HSPA4: variants seen among roughly 807,000 people sequenced by gnomAD.
HSPA4 encodes the protein heat shock 70 kDa protein 4.
A neutral mutation model predicts 106.2 loss-of-function variants in HSPA4; 25 were observed. The observed-to-expected ratio is 0.24, with a 90% confidence interval of 0.17 to 0.33. The LOEUF is 0.33. Among genes scored for constraint, HSPA4 ranks in the 10% least tolerant of loss-of-function variants. The pLI, the probability that HSPA4 is intolerant of heterozygous loss-of-function variation, is 1.00. For synonymous variants in HSPA4, 332 were observed against 333.6 expected, an observed-to-expected ratio of 1.00 and a Z score of 0.05; for missense variants, 841 against 996.0, an observed-to-expected ratio of 0.84 and a Z score of 2.10.
chr5:133,061,782 G>C (rs1391094504), intron 1 of HSPA4, among the ~76,000 whole-genome samples: 1 of 152,120 alleles, frequency 6.6e-6, no homozygotes, highest in Non-Finnish European at 1.5e-5. Context: ...ACCACGCCTG[G>C]CTAATTTTTT....
At chr5:133,069,704 A>G (rs1765357280) in intron 3 of HSPA4, among the ~76,000 whole-genome samples, 1 of 152,264 alleles carries the variant, frequency 6.6e-6, no homozygotes, top group South Asian at 2.1e-4. Flanking sequence ...ACACATTAAA[A>G]TACACATAGT....
At chr5:133,092,321 G>A (rs555000961) in intron 12 of HSPA4, among the ~76,000 whole-genome samples, 34 of 152,268 alleles carry the variant, frequency 2.2e-4, no homozygotes, top group African/African-American at 7.5e-4. Context: ...GAAAAAGTTG[G>A]AACTTTTGAG....
rs1304060646 is a variant in HSPA4 at position 133,070,455 on chromosome 5, G to A, written c.388G>A (p.Glu130Lys). The A allele has an allele frequency of 1.2e-6, 2 of 1,613,622 alleles. No homozygotes were observed. The highest frequency in any genetic ancestry group is 1.7e-6 in the Non-Finnish European group (2 of 1,179,822). ...TTTGTCCAAACTGAAGGAGACAGCC[G>A]AAAGTGTTCTTAAGAAGCCTGTAGT... ...MLLSKLKETA[E>K]SVLKKPVVDC... The change falls in exon 4 of 19, where the codon GAA (glutamate) becomes AAA (lysine). Residue 130 changes from glutamate to lysine, a missense_variant. Glu to Lys is a moderately conservative substitution (Grantham distance 56). Transcript: ENST00000304858.
At chr5:133,075,369 A>G (rs749779872) in intron 6 of HSPA4, among the ~76,000 whole-genome samples, 4 of 152,214 alleles carry the variant, frequency 2.6e-5, no homozygotes, top group Non-Finnish European at 4.4e-5. Flanking sequence ...ATTAGTAGCC[A>G]TCTGCTTCTG....
intron 6 of HSPA4, among the ~76,000 whole-genome samples, 183 bp downstream of exon 6, chr5:133,074,309 G>T (rs564516561): frequency 6.9e-6 from 1 of 144,242 alleles, no homozygotes; most frequent in Admixed American, 7.2e-5. Context: ...ATAGAGTTTC[G>T]CTCTTGTTGC....
chr5:133,063,516 C>T (rs923135368), intron 1 of HSPA4, among the ~76,000 whole-genome samples: 2 of 151,830 alleles, frequency 1.3e-5, no homozygotes, highest in African/African-American at 4.8e-5. Context: ...CTGCAACCTC[C>T]GTCTCCCAGG....
chr5:133,096,843 A>T (rs957015819), intron 14 of HSPA4, among the ~76,000 whole-genome samples: 2 of 152,234 alleles, frequency 1.3e-5, no homozygotes, highest in Admixed American at 6.5e-5. Context: ...CTTATCTCAT[A>T]TTAATACAGC....
chr5:133,072,433 CTT>C (rs1385005724), intron 4 of HSPA4, among the ~76,000 whole-genome samples: 1 of 116,318 alleles, frequency 8.6e-6, no homozygotes, highest in Non-Finnish European at 1.7e-5. Flanking sequence ...GAGTTTCGCT[CTT>C]GTTTCCCAGC....
At chr5:133,102,806 G>A (rs976820234) in intron 17 of HSPA4, among the ~76,000 whole-genome samples, 7 of 151,710 alleles carry the variant, frequency 4.6e-5, no homozygotes, top group Non-Finnish European at 1.0e-4. Context: ...GTGAAATCTC[G>A]GCTCACTGCA....
chr5:133,083,050 G>C (rs1474126180), intron 7 of HSPA4, among the ~76,000 whole-genome samples: 1 of 151,332 alleles, frequency 6.6e-6, no homozygotes, highest in Non-Finnish European at 1.5e-5. Flanking sequence ...CAGGAGAATT[G>C]CTTGGACCCG....
chr5:133,097,031 C>G (rs892728939), intron 14 of HSPA4, 130 bp from the exon 15 acceptor site: 3 of 612,322 alleles, frequency 4.9e-6, no homozygotes, highest in Non-Finnish European at 8.1e-6. Flanking sequence ...TTCCCACTTA[C>G]CTTTGTTATG....
intron 1 of HSPA4, among the ~76,000 whole-genome samples, chr5:133,062,096 T>C (rs536751779): frequency 6.6e-6 from 1 of 152,188 alleles, no homozygotes; most frequent in African/African-American, 2.4e-5. Flanking sequence ...TTGTGTTGAT[T>C]GTGTGGATGA....
At position 133,052,352 on chromosome 5, in the gene HSPA4, C is replaced by T. The variant is rs368300259; in HGVS notation, c.102C>T (p.Cys34=). Residue 34 remains cysteine (C), a synonymous_variant, in exon 1 of 19, where the codon TGC becomes TGT. Transcript: ENST00000304858. ...TCGCTAATGAGTATAGCGACCGCTG[C>T]ACGCCGTAAGTGTGGGCCGGGCCTG... ...ETIANEYSDR[C]TPACISFGPK... 19 of 1,552,008 alleles carry T rather than the reference C, an allele frequency of 1.2e-5. No homozygotes were observed. The African/African-American group carries it at 2.5e-4, about 20-fold the overall frequency.
chr5:133,053,860 G>A (rs1292201756), intron 1 of HSPA4, among the ~76,000 whole-genome samples: 1 of 150,720 alleles, frequency 6.6e-6, no homozygotes, highest in African/African-American at 2.4e-5. Context: ...GGGTGTTGTC[G>A]AGTTGCCCAG....
rs1265576249 is a variant in HSPA4, at chr5:133,099,634, T to C, written c.2019T>C (p.Asp673=). 1 of 1,592,270 alleles carries C rather than the reference T, an allele frequency of 6.3e-7. No homozygotes were observed. The highest frequency in any genetic ancestry group is 8.6e-7 in the Non-Finnish European group (1 of 1,162,382). Reference sequence around the variant, plus strand: ...ACCAGCCAAAGCAAGTTTATGTTGATAAGTTGGCTGAATTAAAAGTAAGTG... The same window carrying C: ...ACCAGCCAAAGCAAGTTTATGTTGACAAGTTGGCTGAATTAAAAGTAAGTG... ...GEDQPKQVYV[D]KLAELKNLGQ... Residue 673 remains aspartate, a synonymous_variant, in exon 16 of 19, where the codon GAT becomes GAC. Transcript: ENST00000304858.
At chr5:133,078,356 T>C (rs940462167) in intron 7 of HSPA4, among the ~76,000 whole-genome samples, 1 of 151,210 alleles carries the variant, frequency 6.6e-6, no homozygotes, top group Non-Finnish European at 1.5e-5. Context: ...ATAGTTGTAC[T>C]GTGATGGGGC....
At position 133,104,287 on chromosome 5, in the gene HSPA4, C is replaced by A. The variant is rs147633839; in HGVS notation, c.2374C>A (p.Pro792Thr). 7.4e-6 allele frequency: 12 copies of A among 1,613,944 alleles called. No individual in the cohort carries two copies. In the African/African-American group the frequency reaches 1.6e-4, roughly 22 times the overall value. ...TTCAAAGCCCAAACCCAAAGTGGAA[C>A]CTCCAAAAGAGGAACAAAAAAATGC... is the stretch of plus-strand genomic sequence containing the variant. ...IISKPKPKVE[P>T]PKEEQKNAEQ... is the part of the protein sequence containing the mutation. Residue 792 changes from proline to threonine, a missense_variant, in exon 19 of 19, where the codon CCT becomes ACT. Physicochemically the swap from Pro to Thr is conservative, Grantham distance 38 (BLOSUM62 -1). Coordinates refer to ENST00000304858, the MANE Select transcript of HSPA4 (RefSeq NM_002154.4).
chr5:133,067,662 T>C (rs1765325539), intron 3 of HSPA4, 105 bp downstream of exon 3: 4 of 1,010,578 alleles, frequency 4.0e-6, no homozygotes, highest in Non-Finnish European at 1.4e-6. Flanking sequence ...TGAAAATGCT[T>C]ACAGTTGCTT....
chr5:133,103,423 C>T lies in HSPA4; in HGVS notation c.2158-442C>T, dbSNP rs192299410. Among the ~76,000 whole-genome samples, 141 of 151,856 alleles carry T rather than the reference C, an allele frequency of 9.3e-4. 1 individual carries two copies. The East Asian group carries it at 0.019, about 21-fold the overall frequency. ...TCGCTCTGTTGCCCAGGCTGGAGTG[C>T]AGTGGTGTGATCTCGGCTCACTGCA... On this transcript the variant is annotated intron_variant, in intron 17 of 18. Transcript: ENST00000304858.
Sources: gnomAD v4.1 joint callset for allele counts (sites outside exome capture counted in the v4.1 genomes callset) on GRCh38, gnomAD v4.1.1 for gene constraint, MANE v1.5 for transcripts, NCBI Gene and HGNC (gene_info 2026-07-23, HGNC 2026-07-21) for gene names.